Variants in DCC observed in about 807,000 individuals in gnomAD.
DCC encodes the protein netrin receptor DCC.
A neutral mutation model predicts 172.5 loss-of-function variants in DCC; 58 were observed. The ratio of observed to expected loss-of-function variants is 0.34; its 90% CI spans 0.27 to 0.42. The LOEUF (loss-of-function observed/expected upper bound fraction) is 0.42, where lower values mean the gene tolerates loss of function less well. Ranked by LOEUF, DCC falls within the 10% of genes least tolerant of loss-of-function variation. DCC has a pLI of 1.00. For missense variants in DCC, 1,740 were observed against 1,791.0 expected, an observed-to-expected ratio of 0.97 and a Z score of 0.51; for synonymous variants, 709 against 644.5, an observed-to-expected ratio of 1.10 and a Z score of -1.52.
intron 5 of DCC, among the ~76,000 whole-genome samples, chr18:52,957,213 G>C (rs1287447036): frequency 2.0e-5 from 3 of 152,006 alleles, no homozygotes; most frequent in African/African-American, 4.8e-5. Flanking sequence ...GAACCTTAAT[G>C]ACCTATCATT....
chr18:53,450,782 C>G (rs1047496166), intron 23 of DCC, 120 bp downstream of exon 23: 22 of 848,630 alleles, frequency 2.6e-5, no homozygotes, highest in Non-Finnish European at 1.9e-6. Context: ...CTAACCCTGG[C>G]AAAACCTTGC....
At chr18:53,138,096 G>A (rs551780032) in intron 7 of DCC, among the ~76,000 whole-genome samples, 1 of 152,176 alleles carries the variant, frequency 6.6e-6, no homozygotes. Context: ...CCAAAGTGCT[G>A]AGATTACAAG....
intron 21 of DCC, among the ~76,000 whole-genome samples, chr18:53,418,240 T>A (rs977429228): frequency 2.6e-5 from 4 of 152,146 alleles, no homozygotes; most frequent in African/African-American, 4.8e-5. Context: ...AATTTAGTGG[T>A]TATAAATAAT....
Position 53,326,843 on chromosome 18 carries a change from A to G in DCC, c.2164+4686A>G, listed in dbSNP as rs373460574. 3.9e-5 allele frequency among the ~76,000 whole-genome samples: 6 copies of G among 152,306 alleles called. No individual in the cohort carries two copies. In the South Asian group the frequency reaches 1.0e-3, roughly 26 times the overall value. On this transcript the variant is annotated intron_variant, in intron 14 of 28. Transcript: ENST00000442544. ...AGAAAAAGCAATCATTTTAAACCAC[A>G]TGAAATGGGAGGCATTCTTTGCTGT...
At chr18:52,952,816 A>G (rs961903114) in intron 5 of DCC, among the ~76,000 whole-genome samples, 1 of 151,912 alleles carries the variant, frequency 6.6e-6, no homozygotes, top group African/African-American at 2.4e-5. Flanking sequence ...CCTCGGCAAC[A>G]TAGTGAGATC....
chr18:53,393,890 T>C (rs9964537), intron 17 of DCC, among the ~76,000 whole-genome samples: 145,687 of 151,370 alleles, frequency 0.96, 70,371 homozygotes, highest in Middle Eastern at 1. Flanking sequence ...CAATTACTAA[T>C]GTACTATTCC....
At chr18:52,462,961 C>A (rs1988676277) in intron 1 of DCC, among the ~76,000 whole-genome samples, 1 of 152,186 alleles carries the variant, frequency 6.6e-6, no homozygotes, top group African/African-American at 2.4e-5. Flanking sequence ...TTTTTCTTCT[C>A]TGCTGCCTGA....
chr18:53,326,584 G>A (rs17503301), intron 14 of DCC, among the ~76,000 whole-genome samples: 14,145 of 152,174 alleles, frequency 0.093, 831 homozygotes, highest in East Asian at 0.21. Flanking sequence ...AGGTACAAAA[G>A]AACATTCAAC....
chr18:53,416,423 T>C, intron 21 of DCC: 1 of 620,988 alleles, frequency 1.6e-6, no homozygotes, highest in Middle Eastern at 2.9e-4. Flanking sequence ...ATGAAATAAA[T>C]TTTTAGTCTC....
At chr18:53,186,704 G>T (rs187133566) in intron 9 of DCC, among the ~76,000 whole-genome samples, 22 of 152,314 alleles carry the variant, frequency 1.4e-4, no homozygotes, top group Non-Finnish European at 2.9e-4. Context: ...AAGGGCAGAA[G>T]TTTCTTTCTT....
At chr18:53,466,124 T>C (rs2045618186) in intron 24 of DCC, among the ~76,000 whole-genome samples, 2 of 152,134 alleles carry the variant, frequency 1.3e-5, no homozygotes, top group African/African-American at 2.4e-5. Flanking sequence ...TTTTTAGAGA[T>C]GGGGTCTCAC....
At chr18:53,486,602 T>G (rs1013924572) in intron 25 of DCC, among the ~76,000 whole-genome samples, 195 bp from the exon 26 acceptor site, 1 of 152,198 alleles carries the variant, frequency 6.6e-6, no homozygotes, top group Non-Finnish European at 1.5e-5. Context: ...TATTTCGTAG[T>G]ATGATGCTTG....
At chr18:53,358,530 CTTTTT>C (rs35093625) in intron 15 of DCC, among the ~76,000 whole-genome samples, 1 of 95,920 alleles carries the variant, frequency 1.0e-5, no homozygotes, top group Non-Finnish European at 1.9e-5. Flanking sequence ...TTCTCTCTCT[CTTTTT>C]TTTTTTTTTT....
At chr18:52,771,871 G>GAAAAAAAA (rs55924643) in intron 2 of DCC, among the ~76,000 whole-genome samples, 1 of 131,006 alleles carries the variant, frequency 7.6e-6, no homozygotes, top group Non-Finnish European at 1.6e-5. Flanking sequence ...AGAAACTTGT[G>GAAAAAAAA]AAAAAAAAAA....
rs1568074457 is a variant in DCC at position 53,351,301 on chromosome 18, A to ATATATATATATATATATACACAGTG, written c.2359+11408_2359+11409insTATACACAGTGTATATATATATATA. On this transcript the variant is annotated intron_variant, in intron 15 of 28. Coordinates refer to ENST00000442544, the MANE Select transcript of DCC (RefSeq NM_005215.4). ...TTCTCATTGAGTACAGTATATATATATATATATATATATACACTGTATATA... is the reference window on the plus strand; with the variant it reads ...TTCTCATTGAGTACAGTATATATATATATATATATATATATATACACAGTGTATATATATATATACACTGTATATA... Among the ~76,000 whole-genome samples the ATATATATATATATATATACACAGTG allele has an allele frequency of 1.7e-3, 49 of 29,566 alleles. 2 individuals are homozygous for ATATATATATATATATATACACAGTG. Among genetic ancestry groups the ATATATATATATATATATACACAGTG allele is most frequent in the African/African-American group, 3.0e-3 (47 of 15,858 alleles). The allele number at this position is 29,566 out of a possible 152,430, so 19.4% of individuals were successfully genotyped here. A position where few individuals can be genotyped will look rare whatever the true frequency, so the allele number is the denominator to read the frequency against.
intron 14 of DCC, among the ~76,000 whole-genome samples, chr18:53,337,910 A>ATG (rs2057610410): frequency 6.6e-6 from 1 of 152,188 alleles, no homozygotes; most frequent in Non-Finnish European, 1.5e-5. Context: ...GGCATATGTT[A>ATG]CCTTCAGAGA....
chr18:52,493,492 A>G lies in DCC; in HGVS notation c.91+152614A>G, dbSNP rs185043804. 8.5e-5 allele frequency among the ~76,000 whole-genome samples: 13 copies of G among 152,142 alleles called. No individual in the cohort carries two copies. The East Asian group carries it at 2.3e-3, about 27-fold the overall frequency. On this transcript the variant is annotated intron_variant, in intron 1 of 28. Transcript: ENST00000442544. ...AAGTTCTGATATTATTATAATCGTA[A>G]TAGTTTATGTTGGCAATATTTGCAT...
At chr18:52,649,756 A>T (rs1337626561) in intron 1 of DCC, among the ~76,000 whole-genome samples, 2 of 152,158 alleles carry the variant, frequency 1.3e-5, no homozygotes, top group East Asian at 3.9e-4. Flanking sequence ...TTATGACCAA[A>T]TTGTATTCCA....
chr18:52,902,657 C>T (rs1205889981), intron 2 of DCC, among the ~76,000 whole-genome samples: 1 of 152,060 alleles, frequency 6.6e-6, no homozygotes, highest in Non-Finnish European at 1.5e-5. Context: ...AACTATAGTA[C>T]TAAGTTGATA....
Sources: gnomAD v4.1 joint callset for allele counts (sites outside exome capture counted in the v4.1 genomes callset) on GRCh38, gnomAD v4.1.1 for gene constraint, MANE v1.5 for transcripts, NCBI Gene and HGNC (gene_info 2026-07-23, HGNC 2026-07-21) for gene names.